Variants in PLEKHA2 observed in about 807,000 individuals in gnomAD.
The protein encoded by PLEKHA2 is pleckstrin homology domain containing A2.
A neutral mutation model predicts 53.2 loss-of-function variants in PLEKHA2; 28 were observed. The observed-to-expected ratio is 0.53, with a 90% CI of 0.39 to 0.72. PLEKHA2 has a LOEUF of 0.72. Among genes scored for constraint, PLEKHA2 ranks in the 30% least tolerant of loss-of-function variants. PLEKHA2 has a pLI of 0.00. For missense variants in PLEKHA2, 426 were observed against 537.9 expected (o/e 0.79, Z 2.06); for synonymous variants, 193 against 196.4 (o/e 0.98, Z 0.14).
At chr8:38,969,331 T>C in intron 11 of PLEKHA2, 90 bp from the exon 12 acceptor site, 1 of 1,453,168 alleles carries the variant, frequency 6.9e-7, no homozygotes. Context: ...GTGGTGATCC[T>C]GGTTGGGTAC....
intron 6 of PLEKHA2, 78 bp from the exon 7 acceptor site, chr8:38,952,088 T>C: frequency 6.7e-7 from 1 of 1,498,342 alleles, no homozygotes; most frequent in Non-Finnish European, 9.1e-7. Flanking sequence ...AGGCCAGAGA[T>C]TCAGGCAGAG....
intron 9 of PLEKHA2, among the ~76,000 whole-genome samples, chr8:38,955,716 C>T (rs1834927164): frequency 6.6e-6 from 1 of 152,222 alleles, no homozygotes; most frequent in African/African-American, 2.4e-5. Context: ...TTCTTGCAGG[C>T]TTTCTCATTC....
chr8:38,926,932 CCAAA>C (rs1379048505), intron 2 of PLEKHA2, among the ~76,000 whole-genome samples: 1 of 152,150 alleles, frequency 6.6e-6, no homozygotes, highest in South Asian at 2.1e-4. Flanking sequence ...AACCAACCAA[CCAAA>C]CAAACAAACA....
chr8:38,959,467 A>G (rs1588275607), intron 10 of PLEKHA2, among the ~76,000 whole-genome samples: 1 of 152,212 alleles, frequency 6.6e-6, no homozygotes, highest in African/African-American at 2.4e-5. Flanking sequence ...CTGCCTTGCC[A>G]TTAAAAAATA....
intron 5 of PLEKHA2, among the ~76,000 whole-genome samples, chr8:38,947,429 G>A (rs1019691917): frequency 6.6e-6 from 1 of 151,882 alleles, no homozygotes; most frequent in Non-Finnish European, 1.5e-5. Flanking sequence ...CAGCCTGGGC[G>A]ACAAGAGTGA....
intron 2 of PLEKHA2, among the ~76,000 whole-genome samples, chr8:38,935,277 G>A (rs1238161430): frequency 1.3e-5 from 2 of 152,118 alleles, no homozygotes; most frequent in Non-Finnish European, 2.9e-5. Context: ...CCAAAGTGCT[G>A]GGATTACAGA....
intron 3 of PLEKHA2, among the ~76,000 whole-genome samples, chr8:38,942,874 C>T (rs1192045400): frequency 6.6e-6 from 1 of 152,176 alleles, no homozygotes; most frequent in Non-Finnish European, 1.5e-5. Flanking sequence ...TCTTGCCCTT[C>T]CCTGAGATAT....
intron 10 of PLEKHA2, among the ~76,000 whole-genome samples, chr8:38,967,806 C>A (rs111325229): frequency 6.6e-6 from 1 of 151,838 alleles, no homozygotes; most frequent in South Asian, 2.1e-4. Flanking sequence ...GGACTACGGG[C>A]GCACGCCACC....
intron 2 of PLEKHA2, among the ~76,000 whole-genome samples, chr8:38,926,122 T>C (rs945039863): frequency 6.6e-6 from 1 of 152,250 alleles, no homozygotes; most frequent in Non-Finnish European, 1.5e-5. Context: ...TCATGGTAAC[T>C]TTCAGATCTT....
At position 38,971,037 on chromosome 8, in the gene PLEKHA2, C is replaced by T. The variant is rs570740985; in HGVS notation, c.*1254C>T. The T allele has an allele frequency of 5.9e-5, 9 of 152,202 alleles. No homozygotes were observed. The highest frequency in any genetic ancestry group is 2.2e-4 in the African/African-American group (9 of 41,442). The allele number at this position is 152,202 out of a possible 1,614,324, so 9.4% of individuals were successfully genotyped here. A position where few individuals can be genotyped will look rare whatever the true frequency, so the allele number is the denominator to read the frequency against. On this transcript the variant is annotated 3_prime_UTR_variant, in exon 12 of 12. Transcript: ENST00000617275. ...AAAAATTAGTAACTAGAGGAAGAGA[C>T]TAAGAGAACTATTTTTACCTGAGTA...
intron 2 of PLEKHA2, among the ~76,000 whole-genome samples, chr8:38,930,650 A>G (rs1834375032): frequency 2.3e-5 from 1 of 43,394 alleles, no homozygotes; most frequent in Non-Finnish European, 5.0e-5. Context: ...ACCCCACGGC[A>G]TGGCATGGCA....
At chr8:38,906,041 G>A (rs993702821) in intron 1 of PLEKHA2, among the ~76,000 whole-genome samples, 26 of 152,228 alleles carry the variant, frequency 1.7e-4, no homozygotes. Flanking sequence ...GTACCCTTTG[G>A]TTGACATCGT....
chr8:38,933,117 C>T (rs73674637), intron 2 of PLEKHA2, among the ~76,000 whole-genome samples: 6,831 of 152,234 alleles, frequency 0.045, 530 homozygotes, highest in African/African-American at 0.16. Flanking sequence ...AATCCCACTT[C>T]ATCACTCATA....
rs142053061 is a variant in PLEKHA2, at chr8:38,926,081, T to A, written c.141+8011T>A. 7.2e-5 allele frequency among the ~76,000 whole-genome samples: 11 copies of A among 152,370 alleles called. No homozygotes were observed. The East Asian group carries it at 2.1e-3, about 29-fold the overall frequency. ...ACAGTTTCTTGTGTCTGTCTGGAGA[T>A]AATCTCTGCCTGAGAGACTATCTCT... On this transcript the variant is annotated intron_variant, in intron 2 of 11. Coordinates refer to ENST00000617275, the MANE Select transcript of PLEKHA2 (RefSeq NM_021623.2).
chr8:38,911,699 G>T (rs922589657), intron 1 of PLEKHA2, among the ~76,000 whole-genome samples: 2 of 152,240 alleles, frequency 1.3e-5, no homozygotes, highest in Non-Finnish European at 2.9e-5. Context: ...TTAAGGCTGG[G>T]TGTGGTGGCT....
At chr8:38,962,435 T>C (rs1835057362) in intron 10 of PLEKHA2, among the ~76,000 whole-genome samples, 1 of 152,206 alleles carries the variant, frequency 6.6e-6, no homozygotes, top group African/African-American at 2.4e-5. Flanking sequence ...CTGACTCTGT[T>C]GGAGAAGACC....
At chr8:38,960,788 A>G (rs1404033685) in intron 10 of PLEKHA2, 2 of 152,248 alleles carry the variant, frequency 1.3e-5, no homozygotes, top group African/African-American at 4.8e-5. Flanking sequence ...CTTTGATTCT[A>G]TACCAAAACT....
In PLEKHA2 at chr8:38,969,469, A is replaced by G. The variant is rs1207619948; in HGVS notation, c.964A>G (p.Ser322Gly). 1 of 1,613,890 alleles carries G rather than the reference A, an allele frequency of 6.2e-7. No homozygotes were observed. Among genetic ancestry groups the G allele is most frequent in the South Asian group, 1.1e-5 (1 of 91,078 alleles). Residue 322 changes from serine to glycine, a missense_variant, in exon 12 of 12, where the codon AGC (serine) becomes GGC (glycine). Transcript: ENST00000617275. ...TTCTTTGACCCGACCTGGAAGCTCC[A>G]GCCTTTCAAGTGGGCCCAACTCTAT... ...SISLTRPGSS[S>G]LSSGPNSILC...
chr8:38,943,697 T>A, intron 3 of PLEKHA2, 92 bp from the exon 4 acceptor site: 1 of 944,806 alleles, frequency 1.1e-6, no homozygotes, highest in Non-Finnish European at 1.6e-6. Flanking sequence ...ATATGTTTAA[T>A]GTACTCTTTA....
Sources: gnomAD v4.1 joint callset for allele counts (sites outside exome capture counted in the v4.1 genomes callset) on GRCh38, gnomAD v4.1.1 for gene constraint, MANE v1.5 for transcripts, NCBI Gene and HGNC (gene_info 2026-07-23, HGNC 2026-07-21) for gene names.